The following AP1M1 variants were observed in gnomAD, a reference collection of about 807,000 sequenced individuals.
AP1M1 encodes AP-1 complex subunit mu-1.
AP1M1 carries 18 observed loss-of-function variants against 57.1 expected under a neutral mutation model. The ratio of observed to expected loss-of-function variants is 0.32; its 90% CI spans 0.22 to 0.47. AP1M1 has a LOEUF of 0.47. Among genes scored for constraint, AP1M1 ranks in the 20% least tolerant of loss-of-function variants. The pLI, the probability that AP1M1 is intolerant of heterozygous loss-of-function variation, is 1.00. For missense variants in AP1M1, 362 were observed against 593.5 expected, an observed-to-expected ratio of 0.61 and a Z score of 4.05; for synonymous variants, 241 against 237.9, an observed-to-expected ratio of 1.01 and a Z score of -0.12.
At chr19:16,210,988 T>C (rs2145121279) in intron 5 of AP1M1, among the ~76,000 whole-genome samples, 1 of 152,348 alleles carries the variant, frequency 6.6e-6, no homozygotes, top group African/African-American at 2.4e-5. Flanking sequence ...TATTTTCATA[T>C]AGTTGAGCCT....
In AP1M1 at chr19:16,233,510, G is replaced by A. The variant is rs759691280; in HGVS notation, c.1065G>A (p.Leu355=). The stretch of plus-strand genomic sequence containing the variant: ...CTCCCCAGGGCGGCAAGGAGTACCT[G>A]ATGCGGGCCCACTTCGGCCTGCCTA... ...IKSFPGGKEY[L]MRAHFGLPSV... is the part of the protein sequence containing the mutation. The change falls in exon 10 of 12, where the codon CTG becomes CTA. Residue 355 remains leucine (L), a synonymous_variant. Coordinates refer to ENST00000291439, the MANE Select transcript of AP1M1 (RefSeq NM_032493.4). The A allele has an allele frequency of 3.1e-6, 5 of 1,604,864 alleles. No homozygotes were observed. The East Asian group carries it at 1.1e-4, about 36-fold the overall frequency.
rs2091579315 is a variant in AP1M1, at chr19:16,228,150, T to C, written c.830T>C (p.Ile277Thr). Residue 277 changes from isoleucine to threonine, a missense_variant, in exon 8 of 12, where the codon ATA becomes ACA. Ile to Thr is a moderately conservative substitution (Grantham distance 89). Coordinates refer to ENST00000291439, the MANE Select transcript of AP1M1 (RefSeq NM_032493.4). The surrounding 1 kb of genome is among the most constrained non-coding windows in gnomAD (Gnocchi z 5.0). ...YRLNTHVKPL[I>T]WIESVIEKHS... ...CCTCCTTGGCAGGTCAAGCCTTTGATATGGATCGAGTCGGTGATCGAGAAG... is the reference window on the plus strand; with the variant it reads ...CCTCCTTGGCAGGTCAAGCCTTTGACATGGATCGAGTCGGTGATCGAGAAG... 1 of 1,613,788 alleles carries C rather than the reference T, an allele frequency of 6.2e-7. No individual in the cohort carries two copies. Among genetic ancestry groups the C allele is most frequent in the South Asian group, 1.1e-5 (1 of 91,090 alleles).
chr19:16,209,265 G>A (rs763245565), intron 5 of AP1M1, 88 bp downstream of exon 5: 5 of 1,472,622 alleles, frequency 3.4e-6, no homozygotes, highest in Non-Finnish European at 4.7e-6. Context: ...GCAAAGCCCC[G>A]AGAGCCGTTC....
In AP1M1 at chr19:16,235,680, T is replaced by A. The variant is rs547233377; in HGVS notation, c.*1245T>A. The A allele has an allele frequency of 1.4e-4, 21 of 152,378 alleles. No homozygotes were observed. Among genetic ancestry groups the A allele is most frequent in the Non-Finnish European group, 2.4e-4 (16 of 68,072 alleles). The allele number at this position is 152,378 out of a possible 1,614,324, so 9.4% of individuals were successfully genotyped here. A position where few individuals can be genotyped will look rare whatever the true frequency, so the allele number is the denominator to read the frequency against. ...TCCTTGTGTCCACAGCAGCATCCCC[T>A]GTGTCCTAGCTAGAAATGCAGGTTC... On this transcript the variant is annotated 3_prime_UTR_variant, in exon 12 of 12. Coordinates refer to ENST00000291439, the MANE Select transcript of AP1M1 (RefSeq NM_032493.4).
rs895149816 is a variant in AP1M1, at chr19:16,242,664, G to T, written c.*8229G>T. ...ACTTAAAATATAAGCACACAACACA[G>T]TTAAAAGTAAAAAGACATTAAAAGA... On this transcript the variant is annotated 3_prime_UTR_variant, in exon 12 of 12. Transcript: ENST00000291439. 1.3e-5 allele frequency: 2 copies of T among 152,180 alleles called. No homozygotes were observed. Among genetic ancestry groups the T allele is most frequent in the Non-Finnish European group, 2.9e-5 (2 of 68,036 alleles). 9.4% of individuals were successfully genotyped at this position (152,180 alleles called of 1,614,324 possible). A position where few individuals can be genotyped will look rare whatever the true frequency, so the allele number is the denominator to read the frequency against.
chr19:16,209,565 A>G (rs956438154), intron 5 of AP1M1, among the ~76,000 whole-genome samples: 9 of 152,116 alleles, frequency 5.9e-5, no homozygotes, highest in African/African-American at 2.2e-4. Flanking sequence ...TTTAAAAATT[A>G]GAAGCAGGGT....
rs1236795374 is a variant in AP1M1, at chr19:16,204,539, GGCAT to G, written c.199+926_199+929del. On this transcript the variant is annotated intron_variant, in intron 2 of 11. Transcript: ENST00000291439. ...TGACTTGTGCATATTGCTCCCAGCAGGCATGGGCTCTGTGCCCTTTCCTGTGTTC... is the reference window on the plus strand; with the variant it reads ...TGACTTGTGCATATTGCTCCCAGCAGGGGCTCTGTGCCCTTTCCTGTGTTC... 2.0e-5 allele frequency among the ~76,000 whole-genome samples: 3 copies of G among 152,346 alleles called. No homozygotes were observed. In the East Asian group the frequency reaches 5.8e-4, roughly 29 times the overall value.
chr19:16,211,101 G>GT (rs1555724141), intron 5 of AP1M1, among the ~76,000 whole-genome samples: 5,958 of 39,244 alleles, frequency 0.15, 212 homozygotes, highest in Middle Eastern at 0.22. Flanking sequence ...TCTTAGCAGT[G>GT]TTTTTTTTTT....
At position 16,203,628 on chromosome 19, in the gene AP1M1, T is replaced by C. The variant is rs1000353558; in HGVS notation, c.199+13T>C. On this transcript the variant is annotated intron_variant, in intron 2 of 11. Transcript: ENST00000291439. The surrounding 1 kb of genome is among the most constrained non-coding windows in gnomAD (Gnocchi z 4.6). ...AACAACCTGTATCGTATCCCTTTGC[T>C]GGGGGTGCTCCCAGGGGACTCCTGT... is the stretch of plus-strand genomic sequence containing the variant. 8 of 1,593,346 alleles carry C rather than the reference T, an allele frequency of 5.0e-6. No individual in the cohort carries two copies. The highest frequency in any genetic ancestry group is 1.1e-5 in the South Asian group (1 of 88,422).
chr19:16,233,932 A>G lies in AP1M1; in HGVS notation c.1174-267A>G, dbSNP rs967390671. ...AGGGAGGAGAGGCTCCCAGAGAGCCAGGGGCCTTCTGGCCGGGCCCCCCAA... is the reference window on the plus strand; with the variant it reads ...AGGGAGGAGAGGCTCCCAGAGAGCCGGGGGCCTTCTGGCCGGGCCCCCCAA... On this transcript the variant is annotated intron_variant, in intron 10 of 11. Transcript: ENST00000291439. 31 of 554,400 alleles carry G rather than the reference A, an allele frequency of 5.6e-5. No homozygotes were observed. In the Middle Eastern group the frequency reaches 1.4e-3, roughly 25 times the overall value. 34.3% of individuals were successfully genotyped at this position (554,400 alleles called of 1,614,324 possible).
intron 1 of AP1M1, among the ~76,000 whole-genome samples, chr19:16,201,086 G>A (rs2091444894): frequency 6.6e-6 from 1 of 152,138 alleles, no homozygotes; most frequent in African/African-American, 2.4e-5. Context: ...CCATTTCAGT[G>A]ATGCCATCAC....
chr19:16,207,044 C>T lies in AP1M1; in HGVS notation c.267+636C>T, dbSNP rs1599453933. ...GGCTTTAAGCAGGAGACTGACAAGA[C>T]GTGGTTTGATCTAAAGCAGCCTCTC... On this transcript the variant is annotated intron_variant, in intron 3 of 11. Transcript: ENST00000291439. This position sits in a 1 kb window ranked among gnomAD's most constrained non-coding sequence, Gnocchi z 4.2. Among the ~76,000 whole-genome samples the T allele has an allele frequency of 2.0e-5, 3 of 152,138 alleles. No homozygotes were observed. The highest frequency in any genetic ancestry group is 4.4e-5 in the Non-Finnish European group (3 of 68,022).
intron 1 of AP1M1, among the ~76,000 whole-genome samples, chr19:16,202,525 C>T (rs1468518438): frequency 6.6e-6 from 1 of 152,280 alleles, no homozygotes; most frequent in Non-Finnish European, 1.5e-5. Context: ...TAGCCCCATC[C>T]CTAGGCACCC....
At chr19:16,232,437 A>G (rs2091602909) in intron 9 of AP1M1, among the ~76,000 whole-genome samples, 1 of 152,026 alleles carries the variant, frequency 6.6e-6, no homozygotes, top group Admixed American at 6.5e-5. Context: ...TGTGTTTTCC[A>G]TTTGGTCTTT....
At chr19:16,208,233 A>G in intron 4 of AP1M1, 84 bp downstream of exon 4, 1 of 1,446,256 alleles carries the variant, frequency 6.9e-7, no homozygotes, top group South Asian at 1.4e-5. Flanking sequence ...CAGAAGGGGC[A>G]AATTTGTGTT....
intron 5 of AP1M1, among the ~76,000 whole-genome samples, chr19:16,218,881 C>T (rs1303402915): frequency 6.6e-6 from 1 of 152,166 alleles, no homozygotes; most frequent in Non-Finnish European, 1.5e-5. Context: ...TACGTCTTCC[C>T]TCACTGAGAC....
intron 1 of AP1M1, among the ~76,000 whole-genome samples, chr19:16,202,264 A>G (rs2091451888): frequency 1.3e-5 from 2 of 152,226 alleles, no homozygotes; most frequent in African/African-American, 4.8e-5. Flanking sequence ...CCTTCTCAGC[A>G]TGTTGCTGAG....
At chr19:16,217,382 T>C (rs1599459700) in intron 5 of AP1M1, among the ~76,000 whole-genome samples, 4 of 151,892 alleles carry the variant, frequency 2.6e-5, no homozygotes, top group Admixed American at 1.3e-4. Context: ...TGGGGAAGGG[T>C]GGGCTAGGTC....
In AP1M1 at chr19:16,203,265, T is replaced by G. The variant is rs1290484008; in HGVS notation, c.43-194T>G. Among the ~76,000 whole-genome samples, 1 of 152,182 alleles carries G rather than the reference T, an allele frequency of 6.6e-6. No individual in the cohort carries two copies. The highest frequency in any genetic ancestry group is 1.5e-5 in the Non-Finnish European group (1 of 68,034). On this transcript the variant is annotated intron_variant, in intron 1 of 11. Transcript: ENST00000291439. The surrounding 1 kb of genome is among the most constrained non-coding windows in gnomAD (Gnocchi z 4.6). ...CAGTGGCCCCTGTGGGCATTCACAC[T>G]GGGAGATGCTCTTCTCCAGGAATTC...
Sources: gnomAD v4.1 joint callset for allele counts (sites outside exome capture counted in the v4.1 genomes callset) on GRCh38, gnomAD v4.1.1 for gene constraint, Gnocchi (gnomAD v3.1) non-coding constraint, MANE v1.5 for transcripts, NCBI Gene and HGNC (gene_info 2026-07-23, HGNC 2026-07-21) for gene names.